Variants in MTPN observed in about 807,000 individuals in gnomAD.
MTPN encodes the protein granule cell differentiation protein.
MTPN carries 2 observed loss-of-function variants against 13.5 expected under a neutral mutation model. The ratio of observed to expected loss-of-function variants is 0.15; its 90% CI spans 0.06 to 0.47. The LOEUF (loss-of-function observed/expected upper bound fraction) is 0.47, where lower values mean the gene tolerates loss of function less well. Ranked by LOEUF, MTPN falls within the 20% of genes least tolerant of loss-of-function variation. MTPN has a pLI of 0.97. For synonymous variants in MTPN, 46 were observed against 51.7 expected (o/e 0.89, Z 0.48); for missense variants, 79 against 137.9 (o/e 0.57, Z 2.14).
At chr7:135,963,829 T>C (rs530223456) in intron 1 of MTPN, among the ~76,000 whole-genome samples, 5 of 152,192 alleles carry the variant, frequency 3.3e-5, no homozygotes, top group African/African-American at 7.2e-5. Context: ...ATTCAAATTA[T>C]AGAAATTTCA....
intron 2 of MTPN, among the ~76,000 whole-genome samples, chr7:135,950,890 T>C (rs945950962): frequency 2.6e-5 from 4 of 152,148 alleles, no homozygotes; most frequent in Admixed American, 6.5e-5. Flanking sequence ...GTCATAGTAG[T>C]AGAGCATAGG....
intron 1 of MTPN, among the ~76,000 whole-genome samples, chr7:135,976,074 GATTC>G (rs1180640348): frequency 6.6e-6 from 1 of 152,210 alleles, no homozygotes; most frequent in African/African-American, 2.4e-5. Flanking sequence ...TGTTTTGGAA[GATTC>G]ATTTTAGATT....
At chr7:135,974,072 CA>C (rs1799736922) in intron 1 of MTPN, among the ~76,000 whole-genome samples, 3 of 151,948 alleles carry the variant, frequency 2.0e-5, no homozygotes, top group Admixed American at 2.0e-4. Context: ...CTGTCTTTTC[CA>C]TTTCAAAATA....
At position 135,927,532 on chromosome 7, in the gene MTPN, C is replaced by T. The variant is rs1798939623; in HGVS notation, c.*2394G>A. 1 of 863,944 alleles carries T rather than the reference C, an allele frequency of 1.2e-6. No homozygotes were observed. Among genetic ancestry groups the T allele is most frequent in the Non-Finnish European group, 1.8e-6 (1 of 543,914 alleles). 53.5% of individuals were successfully genotyped at this position (863,944 alleles called of 1,614,324 possible). The stretch of plus-strand genomic sequence containing the variant: ...AGAACAAAACTTACTTAACCTTTCG[C>T]TAATGCATGTAGTACCAGAAAGCAA... On this transcript the variant is annotated 3_prime_UTR_variant, in exon 4 of 4. Coordinates refer to ENST00000393085, the MANE Select transcript of MTPN (RefSeq NM_145808.4).
intron 1 of MTPN, among the ~76,000 whole-genome samples, chr7:135,973,569 C>T (rs542289789): frequency 1.1e-4 from 16 of 152,206 alleles, no homozygotes; most frequent in East Asian, 3.9e-4. Context: ...TTAACTCCAA[C>T]AGGAGAACAT....
chr7:135,945,371 T>C (rs865914742), intron 3 of MTPN, among the ~76,000 whole-genome samples: 1 of 152,246 alleles, frequency 6.6e-6, no homozygotes, highest in South Asian at 2.1e-4. Context: ...GTCTTTAACA[T>C]TTTGACTGTT....
chr7:135,968,467 C>T (rs1799639305), intron 1 of MTPN, among the ~76,000 whole-genome samples: 1 of 151,756 alleles, frequency 6.6e-6, no homozygotes, highest in African/African-American at 2.4e-5. Context: ...CTAAGCTTAT[C>T]AGAATTATTT....
intron 3 of MTPN, among the ~76,000 whole-genome samples, chr7:135,945,563 A>G (rs1374530995): frequency 6.6e-6 from 1 of 152,206 alleles, no homozygotes; most frequent in Non-Finnish European, 1.5e-5. Context: ...AGGATCATCA[A>G]TATCACTTTT....
chr7:135,944,241 T>C (rs1799254991), intron 3 of MTPN, among the ~76,000 whole-genome samples: 1 of 152,322 alleles, frequency 6.6e-6, no homozygotes. Context: ...TTAGAAATAG[T>C]ATTCCTTAGG....
intron 3 of MTPN, among the ~76,000 whole-genome samples, chr7:135,937,734 T>G (rs908214667): frequency 6.6e-6 from 1 of 152,098 alleles, no homozygotes; most frequent in East Asian, 1.9e-4. Flanking sequence ...CTCCTGTCCC[T>G]CCTTCCACCT....
chr7:135,950,340 G>A (rs144595275), intron 3 of MTPN, among the ~76,000 whole-genome samples: 6 of 152,140 alleles, frequency 3.9e-5, no homozygotes, highest in African/African-American at 1.4e-4. Flanking sequence ...GTTATTTCAA[G>A]CTGGTTTCTG....
At position 135,929,706 on chromosome 7, in the gene MTPN, T is replaced by A; in HGVS notation, c.*220A>T. The A allele has an allele frequency of 3.5e-6, 2 of 568,546 alleles. No individual in the cohort carries two copies. The highest frequency in any genetic ancestry group is 6.5e-6 in the Non-Finnish European group (2 of 308,012). 35.2% of individuals were successfully genotyped at this position (568,546 alleles called of 1,614,324 possible). The stretch of plus-strand genomic sequence containing the variant: ...TTAGAAAGGGAAGAGGCTTACTTGA[T>A]CAGGAATCCCAGTAAAAGCCTGATC... On this transcript the variant is annotated 3_prime_UTR_variant, in exon 4 of 4. Transcript: ENST00000393085.
intron 1 of MTPN, 105 bp downstream of exon 1, chr7:135,976,924 T>TACAAC: frequency 2.8e-6 from 2 of 724,844 alleles, no homozygotes; most frequent in Non-Finnish European, 5.0e-6. Flanking sequence ...AGGAAGTCTC[T>TACAAC]CCTCCCGCCC....
At chr7:135,969,992 A>G (rs1799667856) in intron 1 of MTPN, among the ~76,000 whole-genome samples, 1 of 152,216 alleles carries the variant, frequency 6.6e-6, no homozygotes, top group Admixed American at 6.5e-5. Context: ...TGTGTGCCTA[A>G]GCTGACGAAA....
chr7:135,934,833 C>T (rs1454140264), intron 3 of MTPN, among the ~76,000 whole-genome samples: 1 of 152,178 alleles, frequency 6.6e-6, no homozygotes, highest in Non-Finnish European at 1.5e-5. Context: ...TCTCCCCTGC[C>T]TTCCTTTACT....
intron 1 of MTPN, among the ~76,000 whole-genome samples, chr7:135,956,031 G>C (rs1051098608): frequency 3.9e-5 from 6 of 152,134 alleles, no homozygotes; most frequent in Non-Finnish European, 8.8e-5. Context: ...TTGCACTAGC[G>C]GTTCTAATCA....
At chr7:135,941,718 A>G (rs1799212642) in intron 3 of MTPN, among the ~76,000 whole-genome samples, 1 of 152,154 alleles carries the variant, frequency 6.6e-6, no homozygotes. Flanking sequence ...CCTAGTAAAA[A>G]TATGATTTTA....
At chr7:135,942,879 T>A (rs968790888) in intron 3 of MTPN, among the ~76,000 whole-genome samples, 1 of 152,214 alleles carries the variant, frequency 6.6e-6, no homozygotes, top group African/African-American at 2.4e-5. Context: ...GCTAAAATGA[T>A]GTGCTGTAGT....
intron 3 of MTPN, among the ~76,000 whole-genome samples, chr7:135,946,207 C>T (rs71539481): frequency 0.016 from 2,462 of 152,242 alleles, 33 homozygotes; most frequent in African/African-American, 0.037. Context: ...TGCAACCTTG[C>T]TATTATTCAA....
Sources: gnomAD v4.1 joint callset for allele counts (sites outside exome capture counted in the v4.1 genomes callset) on GRCh38, gnomAD v4.1.1 for gene constraint, MANE v1.5 for transcripts, NCBI Gene and HGNC (gene_info 2026-07-23, HGNC 2026-07-21) for gene names.